TMEM182: variants seen among roughly 807,000 people sequenced by gnomAD.
TMEM182 encodes transmembrane protein 182.
TMEM182 carries 20 observed loss-of-function variants against 26.8 expected under a neutral mutation model. The ratio of observed to expected loss-of-function variants is 0.75; its 90% CI spans 0.53 to 1.09. The LOEUF is 1.09. Among genes scored for constraint, TMEM182 ranks in the 50% least tolerant of loss-of-function variants. The pLI, the probability that TMEM182 is intolerant of heterozygous loss-of-function variation, is 0.00. For synonymous variants in TMEM182, 109 were observed against 102.2 expected (o/e 1.07, Z -0.40); for missense variants, 277 against 275.5 (o/e 1.01, Z -0.04).
At chr2:102,756,059 T>C (rs1263926466) in intron 1 of TMEM182, among the ~76,000 whole-genome samples, 1 of 152,150 alleles carries the variant, frequency 6.6e-6, no homozygotes, top group African/African-American at 2.4e-5. Context: ...AAAAGCATTC[T>C]AATCAGATGG....
intron 3 of TMEM182, among the ~76,000 whole-genome samples, chr2:102,833,064 A>G (rs1183037528): frequency 6.6e-6 from 1 of 152,314 alleles, no homozygotes; most frequent in Non-Finnish European, 1.5e-5. Flanking sequence ...CAATGCAAAA[A>G]GAAAAGAGTC....
At chr2:102,843,399 C>A (rs1683389225) in intron 3 of TMEM182, 1 of 152,166 alleles carries the variant, frequency 6.6e-6, no homozygotes, top group African/African-American at 2.4e-5. Flanking sequence ...TAATAAATTT[C>A]ACTCTTTTCT....
chr2:102,766,562 G>A (rs886581335), intron 3 of TMEM182, among the ~76,000 whole-genome samples: 2 of 152,076 alleles, frequency 1.3e-5, no homozygotes, highest in African/African-American at 2.4e-5. Flanking sequence ...TATTATCTTT[G>A]TTAAATTTGG....
At chr2:102,806,739 T>G (rs1682363569) in intron 4 of TMEM182, among the ~76,000 whole-genome samples, 1 of 152,210 alleles carries the variant, frequency 6.6e-6, no homozygotes, top group Non-Finnish European at 1.5e-5. Context: ...TTTCAGGACT[T>G]TTCCTCTGTT....
rs370937128 is a variant in TMEM182 at position 102,786,254 on chromosome 2, G to A, written c.332-11609G>A. Among the ~76,000 whole-genome samples, 6 of 126,546 alleles carry A rather than the reference G, an allele frequency of 4.7e-5. No homozygotes were observed. In the South Asian group the frequency reaches 7.3e-4, roughly 15 times the overall value. The allele number at this position is 126,546 out of a possible 152,430, so 83.0% of individuals were successfully genotyped here. On this transcript the variant is annotated intron_variant, in intron 3 of 4. Transcript: ENST00000412401. ...TTTTGTGACAGAGTCTTACTCTGTC[G>A]CCCAGGCGGGAATGCAGTGGTGTGA... is the stretch of plus-strand genomic sequence containing the variant.
intron 4 of TMEM182, among the ~76,000 whole-genome samples, chr2:102,807,647 A>G (rs1484951323): frequency 6.6e-6 from 1 of 152,194 alleles, no homozygotes; most frequent in Non-Finnish European, 1.5e-5. Context: ...GGAAGTGGCA[A>G]ATTTCCCTTT....
intron 3 of TMEM182, among the ~76,000 whole-genome samples, chr2:102,823,897 G>A (rs1682976566): frequency 6.6e-6 from 1 of 152,184 alleles, no homozygotes; most frequent in East Asian, 1.9e-4. Context: ...CCAATCAAAA[G>A]GCGTATCATA....
In TMEM182 at chr2:102,762,122, C is replaced by CT. The variant is rs5833037; in HGVS notation, c.-80dup. The CT allele has an allele frequency of 0.011, 8,313 of 734,848 alleles. 9 individuals carry two copies. Among genetic ancestry groups the CT allele is most frequent in the East Asian group, 0.024 (748 of 30,594 alleles). The allele number at this position is 734,848 out of a possible 1,614,324, so 45.5% of individuals were successfully genotyped here. On this transcript the variant is annotated 5_prime_UTR_variant, in exon 1 of 5. Transcript: ENST00000412401. ...ATTCTGCCAACTCAAAAATATTATT[C>CT]TTTTTTTTTTTTTTTTGCTGTTGTT...
chr2:102,787,758 A>G (rs1337779264), intron 3 of TMEM182, among the ~76,000 whole-genome samples: 1 of 152,238 alleles, frequency 6.6e-6, no homozygotes, highest in Non-Finnish European at 1.5e-5. Flanking sequence ...CACAACAAAC[A>G]TGACTAGTGA....
At chr2:102,787,856 T>C (rs1681462474) in intron 3 of TMEM182, among the ~76,000 whole-genome samples, 1 of 152,176 alleles carries the variant, frequency 6.6e-6, no homozygotes, top group African/African-American at 2.4e-5. Context: ...TTAACCTCTC[T>C]GAGCCTCATC....
At chr2:102,764,784 TA>T (rs1358113340) in intron 3 of TMEM182, among the ~76,000 whole-genome samples, 4 of 151,718 alleles carry the variant, frequency 2.6e-5, no homozygotes, top group African/African-American at 9.7e-5. Context: ...ATCATACTTC[TA>T]AAACTTTATG....
chr2:102,822,488 G>A (rs781619695), downstream of TMEM182, among the ~76,000 whole-genome samples: 1 of 152,182 alleles, frequency 6.6e-6, no homozygotes, highest in Non-Finnish European at 1.5e-5. Flanking sequence ...GAAGTGTGGA[G>A]GTGGTTGGTG....
In TMEM182 at chr2:102,822,936, A is replaced by G. The variant is rs549136437; in HGVS notation, c.326-20476A>G. On this transcript the variant is annotated intron_variant, in intron 3 of 3. Coordinates refer to the TMEM182 transcript ENST00000486293. ...AGAAAGAAGAAGAACCAACCAACCA[A>G]ACAAAATCCCTATTGTTCACTTAGT... Among the ~76,000 whole-genome samples the G allele has an allele frequency of 3.3e-5, 5 of 152,298 alleles. No individual in the cohort carries two copies. In the East Asian group the frequency reaches 5.8e-4, roughly 18 times the overall value.
chr2:102,777,582 T>C (rs1348665877), intron 3 of TMEM182, among the ~76,000 whole-genome samples: 1 of 152,106 alleles, frequency 6.6e-6, no homozygotes, highest in Admixed American at 6.6e-5. Context: ...TCTTCGTTTT[T>C]CTACTACGAT....
chr2:102,817,716 C>G (rs571785775), downstream of TMEM182: 1 of 983,238 alleles, frequency 1.0e-6, no homozygotes, highest in East Asian at 1.1e-4. Context: ...ATTTATCTGT[C>G]TATCATCAAT....
intron 1 of TMEM182, among the ~76,000 whole-genome samples, chr2:102,749,694 A>AAT (rs1286354345): frequency 1.3e-5 from 2 of 152,166 alleles, no homozygotes; most frequent in African/African-American, 4.8e-5. Context: ...GAGCATTTAT[A>AAT]ATATATATAC....
intron 3 of TMEM182, among the ~76,000 whole-genome samples, chr2:102,771,437 G>GA (rs1680667710): frequency 6.6e-6 from 1 of 152,124 alleles, no homozygotes; most frequent in African/African-American, 2.4e-5. Flanking sequence ...AGCTCTTGAG[G>GA]GTAGAGTTGG....
intron 3 of TMEM182, among the ~76,000 whole-genome samples, chr2:102,830,218 C>T (rs1420053491): frequency 6.6e-6 from 1 of 152,198 alleles, no homozygotes; most frequent in Non-Finnish European, 1.5e-5. Context: ...AACTACAATA[C>T]TCAGACTTAA....
intron 3 of TMEM182, among the ~76,000 whole-genome samples, chr2:102,797,581 A>G (rs1681921421): frequency 6.6e-6 from 1 of 152,128 alleles, no homozygotes. Context: ...AAAATGGAAA[A>G]TCGTGATGGA....
Sources: allele counts gnomAD v4.1 joint callset (sites outside exome capture counted in the v4.1 genomes callset), GRCh38; gene constraint gnomAD v4.1.1; transcripts MANE v1.5; gene names NCBI Gene and HGNC (gene_info 2026-07-23, HGNC 2026-07-21).